Variants in WARS1 observed in about 807,000 individuals in gnomAD.
WARS1 encodes tryptophan--tRNA ligase, cytoplasmic.
Under a neutral mutation model 47.8 loss-of-function variants are expected in WARS1, and 17 were observed. That is an observed-to-expected ratio of 0.36 (90% CI 0.24 to 0.53). The LOEUF is 0.53. WARS1 is among the 20% of genes least tolerant of loss of function. The probability of loss-of-function intolerance (pLI) is 0.91; values close to 1 mark genes in which losing one functional copy is unlikely to be tolerated. For missense variants in WARS1, 434 were observed against 608.0 expected (o/e 0.71, Z 3.01); for synonymous variants, 208 against 228.1 (o/e 0.91, Z 0.79).
rs191412320 is a variant in WARS1, at chr14:100,361,700, G to A, written c.313+8C>T. The stretch of plus-strand genomic sequence containing the variant: ...CAGCTTTTTCTGGGAAGAAAGCAGA[G>A]GACGTACCAATGAGCTTATCGTAGT... On this transcript the variant is annotated splice_region_variant and intron_variant, in intron 3 of 10. Transcript: ENST00000392882. 12 of 1,613,540 alleles carry A rather than the reference G, an allele frequency of 7.4e-6. No homozygotes were observed. The Middle Eastern group carries it at 5.0e-4, about 67-fold the overall frequency.
At chr14:100,363,682 G>A (rs1390441321) in intron 2 of WARS1, among the ~76,000 whole-genome samples, 1 of 152,126 alleles carries the variant, frequency 6.6e-6, no homozygotes, top group Non-Finnish European at 1.5e-5. Flanking sequence ...GGGTGATGAA[G>A]TGAGATCCCC....
At chr14:100,345,747 C>T (rs2139952190) in intron 7 of WARS1, among the ~76,000 whole-genome samples, 1 of 152,288 alleles carries the variant, frequency 6.6e-6, no homozygotes, top group Middle Eastern at 3.4e-3. Flanking sequence ...GATGTTGTTG[C>T]TGTTATTACT....
At chr14:100,349,530 G>A (rs1158049801) in intron 6 of WARS1, among the ~76,000 whole-genome samples, 3 of 152,196 alleles carry the variant, frequency 2.0e-5, no homozygotes, top group African/African-American at 7.2e-5. Flanking sequence ...CACAGCGGAC[G>A]GCCGTCAAGC....
intron 1 of WARS1, among the ~76,000 whole-genome samples, chr14:100,372,315 T>C (rs904168420): frequency 6.6e-6 from 1 of 152,028 alleles, no homozygotes; most frequent in East Asian, 1.9e-4. Context: ...CTCCAAAAAA[T>C]TTTTATAAAA....
At chr14:100,367,608 CAAAAAAA>C (rs35916618) in intron 2 of WARS1, among the ~76,000 whole-genome samples, 3 of 29,770 alleles carry the variant, frequency 1.0e-4, no homozygotes, top group South Asian at 2.1e-3. Flanking sequence ...GGTGGGGTGG[CAAAAAAA>C]AAAAAAAAAA....
At chr14:100,365,873 T>C (rs59755306) in intron 2 of WARS1, 5,775 of 369,124 alleles carry the variant, frequency 0.016, 154 homozygotes, top group African/African-American at 0.076. Flanking sequence ...TAAGACATCA[T>C]GGAAATACTG....
intron 6 of WARS1, chr14:100,352,944 CTG>C (rs1401229272): frequency 6.6e-6 from 1 of 152,182 alleles, no homozygotes; most frequent in Non-Finnish European, 1.5e-5. Flanking sequence ...ACTGAGGAAA[CTG>C]TGTAACCACT....
chr14:100,351,789 C>T lies in WARS1; in HGVS notation c.725+1898G>A, dbSNP rs943764729. Reference sequence around the variant, plus strand: ...CAGGCAGATCATGAGGTCAGAAGATCGAGACCATCCTGGCTAACACAGTGA... The same window carrying T: ...CAGGCAGATCATGAGGTCAGAAGATTGAGACCATCCTGGCTAACACAGTGA... On this transcript the variant is annotated intron_variant, in intron 6 of 10. Coordinates refer to ENST00000392882, the MANE Select transcript of WARS1 (RefSeq NM_004184.4). Among the ~76,000 whole-genome samples the T allele has an allele frequency of 2.8e-4, 43 of 151,978 alleles. 1 individual carries two copies. Among genetic ancestry groups the T allele is most frequent in the Admixed American group, 1.3e-4 (2 of 15,266 alleles).
chr14:100,343,023 C>A, intron 8 of WARS1, among the ~76,000 whole-genome samples: 1 of 152,146 alleles, frequency 6.6e-6, no homozygotes, highest in Admixed American at 6.5e-5. Context: ...ATTACAGGCG[C>A]CTGCCACCAC....
At chr14:100,337,589 G>A (rs1302921155) in intron 9 of WARS1, among the ~76,000 whole-genome samples, 8 of 151,564 alleles carry the variant, frequency 5.3e-5, no homozygotes, top group Non-Finnish European at 1.0e-4. Context: ...GGTAGCTTGT[G>A]CCAGTAATCT....
In WARS1 at chr14:100,373,796, C is replaced by T. The variant is rs191808264; in HGVS notation, c.-74+1487G>A. Among the ~76,000 whole-genome samples, 1 of 150,452 alleles carries T rather than the reference C, an allele frequency of 6.6e-6. No individual in the cohort carries two copies. Among genetic ancestry groups the T allele is most frequent in the Non-Finnish European group, 1.5e-5 (1 of 67,808 alleles). Reference sequence around the variant, plus strand: ...TCATGATCACAAGGCATATACTTTGCGTGGGAATCATCCACACTATTGAAA... The same window carrying T: ...TCATGATCACAAGGCATATACTTTGTGTGGGAATCATCCACACTATTGAAA... On this transcript the variant is annotated intron_variant, in intron 1 of 10. Coordinates refer to ENST00000392882, the MANE Select transcript of WARS1 (RefSeq NM_004184.4). This position sits in a 1 kb window ranked among gnomAD's most constrained non-coding sequence, Gnocchi z 4.4.
intron 4 of WARS1, among the ~76,000 whole-genome samples, chr14:100,356,559 CAA>C (rs1465528905): frequency 1.3e-5 from 2 of 152,020 alleles, no homozygotes; most frequent in Non-Finnish European, 2.9e-5. Flanking sequence ...ATGAAATAGA[CAA>C]ATTCCTAGAA....
rs553841509 is a variant in WARS1, at chr14:100,337,244, C to T, written c.1114-42G>A. 65 of 1,597,578 alleles carry T rather than the reference C, an allele frequency of 4.1e-5. 1 individual carries two copies. The South Asian group carries it at 6.7e-4, about 17-fold the overall frequency. ...CACAGACACGCTCCTCAGTCCTGCTCATCCTGTGCCTGGACACTGGCTAGA... is the reference window on the plus strand; with the variant it reads ...CACAGACACGCTCCTCAGTCCTGCTTATCCTGTGCCTGGACACTGGCTAGA... On this transcript the variant is annotated intron_variant, in intron 9 of 10. Coordinates refer to ENST00000392882, the MANE Select transcript of WARS1 (RefSeq NM_004184.4).
chr14:100,341,127 G>A lies in WARS1; in HGVS notation c.1113+1271C>T, dbSNP rs534179978. ...ACAGGAGTTTCACCATGTTGGCCAC[G>A]CTGGTCTCGAACTCCTGACCTCAGG... On this transcript the variant is annotated intron_variant, in intron 9 of 10. Coordinates refer to ENST00000392882, the MANE Select transcript of WARS1 (RefSeq NM_004184.4). Among the ~76,000 whole-genome samples the A allele has an allele frequency of 6.9e-4, 105 of 152,112 alleles. 1 individual carries two copies. Among genetic ancestry groups the A allele is most frequent in the African/African-American group, 2.5e-3 (102 of 41,488 alleles).
chr14:100,343,451 G>T, intron 7 of WARS1, 64 bp from the exon 8 acceptor site: 4 of 1,241,846 alleles, frequency 3.2e-6, no homozygotes, highest in Non-Finnish European at 4.5e-6. Flanking sequence ...GTTAATAAAG[G>T]AATGAACAAA....
chr14:100,348,341 G>A (rs915909239), intron 6 of WARS1, among the ~76,000 whole-genome samples: 5 of 151,798 alleles, frequency 3.3e-5, no homozygotes, highest in Non-Finnish European at 5.9e-5. Flanking sequence ...GGCCTGTAAC[G>A]GTCAAGGTCA....
rs368771131 is a variant in WARS1, at chr14:100,358,334, G to A, written c.422+2220C>T. On this transcript the variant is annotated intron_variant, in intron 4 of 10. Transcript: ENST00000392882. ...TTTTTAGTAGAGATGGGGTTTCACC[G>A]TGTTAGCCAGGATGGTCTCAATCTC... Among the ~76,000 whole-genome samples, 16 of 151,932 alleles carry A rather than the reference G, an allele frequency of 1.1e-4. No individual in the cohort carries two copies. The East Asian group carries it at 1.4e-3, about 13-fold the overall frequency.
rs895875552 is a variant in WARS1, at chr14:100,355,323, C to T, written c.423-757G>A. 4.2e-4 allele frequency among the ~76,000 whole-genome samples: 64 copies of T among 152,024 alleles called. 1 individual carries two copies. The Middle Eastern group carries it at 0.01, about 24-fold the overall frequency. ...GCAACCTCTGCCTCCTGGGTTCAAG[C>T]GATTCTCCTGCCTCAGCCTCCCGAG... On this transcript the variant is annotated intron_variant, in intron 4 of 10. Transcript: ENST00000392882.
intron 1 of WARS1, among the ~76,000 whole-genome samples, chr14:100,371,095 C>T (rs969551222): frequency 6.6e-6 from 1 of 152,236 alleles, no homozygotes; most frequent in African/African-American, 2.4e-5. Context: ...CAAACATATA[C>T]ATTTGTGGTG....
Sources: allele counts gnomAD v4.1 joint callset (sites outside exome capture counted in the v4.1 genomes callset), GRCh38; gene constraint gnomAD v4.1.1; non-coding constraint Gnocchi (gnomAD v3.1); transcripts MANE v1.5; gene names NCBI Gene and HGNC (gene_info 2026-07-23, HGNC 2026-07-21).